WDR72: variants seen among roughly 807,000 people sequenced by gnomAD.
WDR72 encodes WD repeat-containing protein 72.
WDR72 carries 120 observed loss-of-function variants against 124.2 expected under a neutral mutation model. The observed-to-expected ratio is 0.97, with a 90% CI of 0.83 to 1.12. The LOEUF (loss-of-function observed/expected upper bound fraction) is 1.12. Ranked by LOEUF, WDR72 falls within the 50% of genes most tolerant of loss-of-function variation. The pLI, the probability that WDR72 is intolerant of heterozygous loss-of-function variation, is 0.00. For missense variants in WDR72, 1,387 were observed against 1,278.8 expected (o/e 1.08, Z -1.29); for synonymous variants, 452 against 441.7 (o/e 1.02, Z -0.29).
At chr15:53,739,603 G>C (rs1470699563) in intron 1 of WDR72, among the ~76,000 whole-genome samples, 1 of 152,064 alleles carries the variant, frequency 6.6e-6, no homozygotes, top group African/African-American at 2.4e-5. Flanking sequence ...TACAAGTGAA[G>C]ACTGCAAAGC....
intron 17 of WDR72, among the ~76,000 whole-genome samples, chr15:53,604,557 G>T (rs2013192534): frequency 6.6e-6 from 1 of 152,050 alleles, no homozygotes; most frequent in Non-Finnish European, 1.5e-5. Flanking sequence ...CTGCAGAATG[G>T]GAGAAAATTT....
chr15:53,704,569 C>T (rs1595862216), intron 11 of WDR72, among the ~76,000 whole-genome samples: 1 of 151,372 alleles, frequency 6.6e-6, no homozygotes, highest in East Asian at 2.0e-4. Flanking sequence ...CCCTGTTGCC[C>T]AGGCTGGAGT....
intron 13 of WDR72, among the ~76,000 whole-genome samples, chr15:53,691,397 A>G (rs539079607): frequency 5.3e-5 from 8 of 152,294 alleles, no homozygotes; most frequent in African/African-American, 1.7e-4. Context: ...TTGCTGTGCC[A>G]TAAGAGTTCC....
rs1224853657 is a variant in WDR72 at position 53,517,130 on chromosome 15, A to G, written c.*569T>C. ...GTATCTCTTATTTGGGCTAATTGAT[A>G]ACTAAATGGAACTGGGTATTTGTTG... On this transcript the variant is annotated 3_prime_UTR_variant, in exon 20 of 20. Coordinates refer to ENST00000360509, the MANE Select transcript of WDR72 (RefSeq NM_182758.4). 6.3e-6 allele frequency: 1 copy of G among 159,512 alleles called. No homozygotes were observed. The highest frequency in any genetic ancestry group is 6.1e-5 in the Admixed American group (1 of 16,456). 9.9% of individuals were successfully genotyped at this position (159,512 alleles called of 1,614,324 possible).
chr15:53,579,876 T>G (rs2011823296), intron 18 of WDR72, among the ~76,000 whole-genome samples: 1 of 152,128 alleles, frequency 6.6e-6, no homozygotes, highest in Non-Finnish European at 1.5e-5. Context: ...GATCAAGGGC[T>G]GGGGCCAACA....
chr15:53,520,627 G>T (rs1891740852), intron 19 of WDR72, among the ~76,000 whole-genome samples: 2 of 152,112 alleles, frequency 1.3e-5, no homozygotes, highest in Middle Eastern at 3.4e-3. Flanking sequence ...TCTTCTGACT[G>T]AGGTAGTTAA....
At chr15:53,693,484 A>C (rs576781205) in intron 13 of WDR72, among the ~76,000 whole-genome samples, 3 of 152,314 alleles carry the variant, frequency 2.0e-5, no homozygotes, top group African/African-American at 7.2e-5. Flanking sequence ...TATTTTTGAA[A>C]AACATGAGCT....
chr15:53,568,801 G>A (rs762204949), intron 18 of WDR72, among the ~76,000 whole-genome samples: 1 of 151,836 alleles, frequency 6.6e-6, no homozygotes, highest in Non-Finnish European at 1.5e-5. Flanking sequence ...CATTTCTCAT[G>A]AGTTAAAAAC....
intron 18 of WDR72, among the ~76,000 whole-genome samples, chr15:53,571,893 C>G (rs1026889024): frequency 6.6e-6 from 1 of 151,564 alleles, no homozygotes; most frequent in East Asian, 1.9e-4. Flanking sequence ...TATCTTTCAT[C>G]TTTTTATAAT....
chr15:53,529,164 A>T (rs200034855), intron 18 of WDR72, among the ~76,000 whole-genome samples: 947 of 78,140 alleles, frequency 0.012, 14 homozygotes, highest in East Asian at 0.038. Flanking sequence ...ATATATATAT[A>T]TTTTTTTTTT....
Position 53,515,026 on chromosome 15 carries a change from C to G in WDR72, c.*2673G>C, listed in dbSNP as rs7175439. Reference sequence around the variant, plus strand: ...GATATGCCATATATATATATATATACACACATATATATGTGTATATATATG... The same window carrying G: ...GATATGCCATATATATATATATATAGACACATATATATGTGTATATATATG... On this transcript the variant is annotated 3_prime_UTR_variant, in exon 20 of 20. Coordinates refer to ENST00000360509, the MANE Select transcript of WDR72 (RefSeq NM_182758.4). The G allele has an allele frequency of 1.5e-5, 2 of 131,510 alleles. No individual in the cohort carries two copies. The highest frequency in any genetic ancestry group is 3.4e-5 in the Non-Finnish European group (2 of 58,588). The allele number at this position is 131,510 out of a possible 1,614,324, so 8.1% of individuals were successfully genotyped here.
chr15:53,636,313 G>A (rs1038575230), intron 14 of WDR72, among the ~76,000 whole-genome samples: 2 of 152,190 alleles, frequency 1.3e-5, no homozygotes, highest in African/African-American at 4.8e-5. Flanking sequence ...ATCCTAACCT[G>A]ATCTGCTATG....
intron 1 of WDR72, among the ~76,000 whole-genome samples, chr15:53,739,949 C>A (rs1039853223): frequency 1.3e-5 from 2 of 152,102 alleles, no homozygotes; most frequent in Non-Finnish European, 2.9e-5. Context: ...ACCCACCCTG[C>A]TGAGTAGAAC....
intron 14 of WDR72, among the ~76,000 whole-genome samples, chr15:53,617,937 C>T (rs941092674): frequency 5.3e-5 from 8 of 151,886 alleles, no homozygotes; most frequent in African/African-American, 1.9e-4. Context: ...TTCTGGGGTG[C>T]TCACATGTTT....
chr15:53,631,458 C>T (rs899312916), intron 14 of WDR72, among the ~76,000 whole-genome samples: 2 of 152,102 alleles, frequency 1.3e-5, no homozygotes, highest in Non-Finnish European at 2.9e-5. Flanking sequence ...AGAAAATTGT[C>T]ACTGAGGAGT....
At chr15:53,568,861 A>C (rs1191610682) in intron 18 of WDR72, among the ~76,000 whole-genome samples, 2 of 152,050 alleles carry the variant, frequency 1.3e-5, no homozygotes, top group South Asian at 4.1e-4. Flanking sequence ...TACCTTGAAC[A>C]CATCATTGAT....
chr15:53,557,515 G>A (rs922271921), intron 18 of WDR72, among the ~76,000 whole-genome samples: 2 of 152,082 alleles, frequency 1.3e-5, no homozygotes, highest in Admixed American at 1.3e-4. Flanking sequence ...GATTTCTAAT[G>A]TTGTATCTGG....
At chr15:53,538,383 T>C (rs1045139159) in intron 18 of WDR72, among the ~76,000 whole-genome samples, 1 of 152,214 alleles carries the variant, frequency 6.6e-6, no homozygotes, top group Non-Finnish European at 1.5e-5. Context: ...ACATTAAGAT[T>C]TAAGAAATGC....
At chr15:53,697,303 G>A (rs1287396687) in intron 13 of WDR72, among the ~76,000 whole-genome samples, 1 of 152,208 alleles carries the variant, frequency 6.6e-6, no homozygotes, top group Non-Finnish European at 1.5e-5. Context: ...TTTGTGCACA[G>A]GGAGGCTGAT....
Sources: gnomAD v4.1 joint callset for allele counts (sites outside exome capture counted in the v4.1 genomes callset) on GRCh38, gnomAD v4.1.1 for gene constraint, MANE v1.5 for transcripts, NCBI Gene and HGNC (gene_info 2026-07-23, HGNC 2026-07-21) for gene names.